GRID1: variants seen among roughly 807,000 people sequenced by gnomAD.
The protein encoded by GRID1 is glutamate ionotropic receptor delta type subunit 1.
A neutral mutation model predicts 98.0 loss-of-function variants in GRID1; 28 were observed. The observed-to-expected ratio is 0.29, with a 90% CI of 0.21 to 0.39. The LOEUF is 0.39. Among genes scored for constraint, GRID1 ranks in the 10% least tolerant of loss-of-function variants. The pLI, the probability that GRID1 is intolerant of heterozygous loss-of-function variation, is 1.00. For synonymous variants in GRID1, 553 were observed against 538.5 expected, an observed-to-expected ratio of 1.03 and a Z score of -0.37; for missense variants, 1,111 against 1,340.5, an observed-to-expected ratio of 0.83 and a Z score of 2.67.
chr10:86,291,876 C>A (rs1278195097), intron 2 of GRID1, among the ~76,000 whole-genome samples: 1 of 152,204 alleles, frequency 6.6e-6, no homozygotes, highest in African/African-American at 2.4e-5. Context: ...CGGCCCTGAT[C>A]GAGGGGTTAT....
chr10:85,844,053 T>C (rs1481554650), intron 8 of GRID1, among the ~76,000 whole-genome samples: 1 of 152,038 alleles, frequency 6.6e-6, no homozygotes, highest in African/African-American at 2.4e-5. Context: ...TAGTGAGGCA[T>C]CCATTCTTCG....
At chr10:86,029,543 T>G (rs1364469159) in intron 4 of GRID1, among the ~76,000 whole-genome samples, 1 of 152,218 alleles carries the variant, frequency 6.6e-6, no homozygotes, top group Admixed American at 6.5e-5. Flanking sequence ...ATGAACAACA[T>G]GTCCCATCAT....
At chr10:85,871,063 T>G (rs1280862732) in intron 5 of GRID1, among the ~76,000 whole-genome samples, 1 of 152,132 alleles carries the variant, frequency 6.6e-6, no homozygotes, top group African/African-American at 2.4e-5. Flanking sequence ...AAATGGAAAC[T>G]AACACATACA....
chr10:86,150,520 C>T (rs538538511), intron 3 of GRID1, among the ~76,000 whole-genome samples: 16 of 152,216 alleles, frequency 1.1e-4, no homozygotes, highest in Non-Finnish European at 1.9e-4. Flanking sequence ...CAAACAGCCA[C>T]ATGTGAATTT....
intron 8 of GRID1, among the ~76,000 whole-genome samples, chr10:85,752,429 G>A (rs1842056816): frequency 6.6e-6 from 1 of 152,072 alleles, no homozygotes; most frequent in African/African-American, 2.4e-5. Flanking sequence ...ATTTACAAAT[G>A]ATATACATAT....
intron 3 of GRID1, among the ~76,000 whole-genome samples, chr10:86,198,471 G>C (rs1401495671): frequency 6.6e-6 from 1 of 152,148 alleles, no homozygotes; most frequent in Non-Finnish European, 1.5e-5. Context: ...TGGGACCACT[G>C]CTGGGCACAG....
chr10:86,320,155 G>T (rs146307267), intron 2 of GRID1, among the ~76,000 whole-genome samples: 2 of 152,356 alleles, frequency 1.3e-5, no homozygotes, highest in East Asian at 3.9e-4. Flanking sequence ...TTTCAAACTA[G>T]CCCTGCTGGG....
chr10:85,961,507 T>C (rs1165221915), intron 4 of GRID1, among the ~76,000 whole-genome samples: 1 of 151,172 alleles, frequency 6.6e-6, no homozygotes, highest in Non-Finnish European at 1.5e-5. Context: ...CCACCGTCTG[T>C]CCTCCCTCCC....
intron 2 of GRID1, among the ~76,000 whole-genome samples, chr10:86,263,561 G>T (rs1326306102): frequency 6.6e-6 from 1 of 152,164 alleles, no homozygotes; most frequent in Admixed American, 6.5e-5. Flanking sequence ...GCCAAACCCC[G>T]TCCTAGACCC....
chr10:86,288,983 A>T (rs1483596644), intron 2 of GRID1, among the ~76,000 whole-genome samples: 1 of 152,196 alleles, frequency 6.6e-6, no homozygotes, highest in Non-Finnish European at 1.5e-5. Context: ...ATGTCTGTCC[A>T]GGCTTCTATG....
At chr10:86,128,895 G>A (rs1402618396) in intron 4 of GRID1, among the ~76,000 whole-genome samples, 1 of 152,182 alleles carries the variant, frequency 6.6e-6, no homozygotes, top group Non-Finnish European at 1.5e-5. Flanking sequence ...AAGGAAAAAG[G>A]AAAGCCTACA....
chr10:86,296,999 TA>T (rs1447223815), intron 2 of GRID1, among the ~76,000 whole-genome samples: 1 of 152,178 alleles, frequency 6.6e-6, no homozygotes, highest in African/African-American at 2.4e-5. Context: ...TTTAGAGCTA[TA>T]AAGATGGCTT....
At chr10:85,935,208 G>T (rs1464209722) in intron 4 of GRID1, among the ~76,000 whole-genome samples, 3 of 152,104 alleles carry the variant, frequency 2.0e-5, no homozygotes, top group Non-Finnish European at 4.4e-5. Flanking sequence ...ATTCACCCAA[G>T]ATCATACAGA....
intron 12 of GRID1, among the ~76,000 whole-genome samples, chr10:85,695,367 G>T (rs1472728989): frequency 1.3e-5 from 2 of 152,180 alleles, no homozygotes; most frequent in South Asian, 2.1e-4. Flanking sequence ...CAACTTGCTT[G>T]CCCCTTTGGA....
intron 2 of GRID1, among the ~76,000 whole-genome samples, chr10:86,236,138 C>G (rs1467595333): frequency 1.3e-5 from 2 of 152,152 alleles, no homozygotes; most frequent in African/African-American, 4.8e-5. Context: ...TCCCTAAAGA[C>G]TAACATTATT....
chr10:86,060,778 C>T (rs1040525958), intron 4 of GRID1, among the ~76,000 whole-genome samples: 2 of 152,162 alleles, frequency 1.3e-5, no homozygotes, highest in Non-Finnish European at 2.9e-5. Flanking sequence ...CTCCAGCCTC[C>T]AGGCCACAGC....
At chr10:85,614,009 T>C (rs537651930) in intron 14 of GRID1, among the ~76,000 whole-genome samples, 1 of 152,354 alleles carries the variant, frequency 6.6e-6, no homozygotes, top group East Asian at 1.9e-4. Context: ...AACATTTAGG[T>C]TGTGGATTTA....
intron 12 of GRID1, among the ~76,000 whole-genome samples, chr10:85,709,586 C>T (rs1841560625): frequency 6.6e-6 from 1 of 152,126 alleles, no homozygotes; most frequent in Non-Finnish European, 1.5e-5. Flanking sequence ...GTGTGAATAG[C>T]TTGATGAAGG....
intron 12 of GRID1, among the ~76,000 whole-genome samples, chr10:85,655,260 G>C (rs771542840): frequency 4.6e-5 from 7 of 152,182 alleles, no homozygotes; most frequent in Non-Finnish European, 1.0e-4. Flanking sequence ...CAGCTCAGCT[G>C]TCATGTCGTA....
Sources: allele counts gnomAD v4.1 joint callset (sites outside exome capture counted in the v4.1 genomes callset), GRCh38; gene constraint gnomAD v4.1.1; transcripts MANE v1.5; gene names NCBI Gene and HGNC (gene_info 2026-07-23, HGNC 2026-07-21).